CLNK: variants seen among roughly 807,000 people sequenced by gnomAD.
CLNK encodes cytokine dependent hematopoietic cell linker.
CLNK carries 74 observed loss-of-function variants against 68.6 expected under a neutral mutation model. The ratio of observed to expected loss-of-function variants is 1.08; its 90% CI spans 0.89 to 1.31. CLNK has a LOEUF of 1.31. Among genes scored for constraint, CLNK ranks in the 50% most tolerant of loss-of-function variants. The pLI is 0.00. For synonymous variants in CLNK, 198 were observed against 172.2 expected, an observed-to-expected ratio of 1.15 and a Z score of -1.17; for missense variants, 553 against 515.3, an observed-to-expected ratio of 1.07 and a Z score of -0.71.
At chr4:10,683,164 C>T (rs1008043938) in intron 1 of CLNK, among the ~76,000 whole-genome samples, 5 of 152,152 alleles carry the variant, frequency 3.3e-5, no homozygotes, top group Non-Finnish European at 7.4e-5. Flanking sequence ...TATGAAACAA[C>T]ATCCCTGGTC....
At chr4:10,491,196 G>GC (rs1716557776) in intron 18 of CLNK, among the ~76,000 whole-genome samples, 1 of 152,236 alleles carries the variant, frequency 6.6e-6, no homozygotes. Context: ...TATACAGGGA[G>GC]TTTCCCCTCT....
intron 2 of CLNK, among the ~76,000 whole-genome samples, chr4:10,645,005 C>G (rs1723456208): frequency 6.6e-6 from 1 of 152,222 alleles, no homozygotes; most frequent in South Asian, 2.1e-4. Context: ...CGGTGTCTTC[C>G]TGCACTTGCA....
intron 2 of CLNK, among the ~76,000 whole-genome samples, chr4:10,641,632 G>C (rs1005507613): frequency 2.6e-5 from 4 of 152,166 alleles, no homozygotes; most frequent in African/African-American, 9.7e-5. Flanking sequence ...TCTTCTGAAT[G>C]AATAAGTGAG....
At chr4:10,522,587 A>AAAAAG (rs1553846649) in intron 14 of CLNK, among the ~76,000 whole-genome samples, 7 of 151,500 alleles carry the variant, frequency 4.6e-5, no homozygotes, top group Non-Finnish European at 1.5e-5. Flanking sequence ...AAAAAAAAAA[A>AAAAAG]AAAGAAAGAA....
intron 5 of CLNK, among the ~76,000 whole-genome samples, chr4:10,567,794 T>C (rs1424963817): frequency 6.6e-6 from 1 of 152,196 alleles, no homozygotes; most frequent in Non-Finnish European, 1.5e-5. Context: ...AAAGAAGATA[T>C]GCAAACCATC....
chr4:10,613,375 G>T (rs1722105371), intron 2 of CLNK, among the ~76,000 whole-genome samples: 1 of 152,192 alleles, frequency 6.6e-6, no homozygotes. Flanking sequence ...AAGTTCAAAG[G>T]CAGGAATGTG....
chr4:10,597,548 A>G (rs116029623), intron 3 of CLNK, among the ~76,000 whole-genome samples: 1 of 152,172 alleles, frequency 6.6e-6, no homozygotes, highest in Non-Finnish European at 1.5e-5. Context: ...GTTATTCTCA[A>G]TTGAAGGACA....
chr4:10,506,229 G>C (rs530116139), intron 17 of CLNK, among the ~76,000 whole-genome samples: 1 of 152,134 alleles, frequency 6.6e-6, no homozygotes, highest in Non-Finnish European at 1.5e-5. Flanking sequence ...ATGTAGGTTT[G>C]TACTTCCTCA....
intron 2 of CLNK, among the ~76,000 whole-genome samples, chr4:10,606,196 A>T (rs1367400605): frequency 6.6e-6 from 1 of 152,180 alleles, no homozygotes; most frequent in Non-Finnish European, 1.5e-5. Context: ...AACTTTCAAA[A>T]TTTTTATTAC....
At chr4:10,729,292 G>T in the CLNK span, among the ~76,000 whole-genome samples, 5 of 152,166 alleles carry the variant, frequency 3.3e-5, no homozygotes, top group African/African-American at 1.2e-4. Context: ...GTGGAGAAAA[G>T]GGAAGTCTTA....
At chr4:10,692,539 C>T in the CLNK span, among the ~76,000 whole-genome samples, 2 of 152,122 alleles carry the variant, frequency 1.3e-5, no homozygotes, top group Non-Finnish European at 2.9e-5. Flanking sequence ...GGAAAATTCT[C>T]AAAATATTTT....
At chr4:10,612,595 A>G (rs889361142) in intron 2 of CLNK, among the ~76,000 whole-genome samples, 1 of 152,244 alleles carries the variant, frequency 6.6e-6, no homozygotes, top group Non-Finnish European at 1.5e-5. Flanking sequence ...CCACTGCGTC[A>G]TGCTGGGTTT....
intron 8 of CLNK, among the ~76,000 whole-genome samples, chr4:10,556,874 G>A (rs763169306): frequency 3.3e-5 from 5 of 151,954 alleles, no homozygotes; most frequent in South Asian, 2.1e-4. Context: ...TCAGGAGTTC[G>A]CGACCAGCCT....
At chr4:10,691,802 G>A in the CLNK span, among the ~76,000 whole-genome samples, 1 of 152,154 alleles carries the variant, frequency 6.6e-6, no homozygotes, top group Non-Finnish European at 1.5e-5. Flanking sequence ...CTTGAAGCAA[G>A]AATCAGATTA....
At chr4:10,635,025 C>T (rs542423215) in intron 2 of CLNK, among the ~76,000 whole-genome samples, 8 of 152,230 alleles carry the variant, frequency 5.3e-5, no homozygotes, top group African/African-American at 1.9e-4. Context: ...TTTCCCCTTT[C>T]AAAAGAGATA....
chr4:10,716,081 T>C, the CLNK span, among the ~76,000 whole-genome samples: 17 of 152,344 alleles, frequency 1.1e-4, no homozygotes, highest in African/African-American at 4.1e-4. Flanking sequence ...GATTTCTAAG[T>C]GAATGCCACA....
intron 2 of CLNK, among the ~76,000 whole-genome samples, chr4:10,624,845 G>A (rs1293631325): frequency 6.6e-6 from 1 of 152,060 alleles, no homozygotes; most frequent in Non-Finnish European, 1.5e-5. Context: ...AACTTTTTGT[G>A]TTATGGCTGT....
chr4:10,666,913 T>C (rs1724419993), intron 2 of CLNK, among the ~76,000 whole-genome samples: 1 of 152,176 alleles, frequency 6.6e-6, no homozygotes. Context: ...CAGCACCTGC[T>C]ACTCTCTCTG....
the CLNK span, among the ~76,000 whole-genome samples, chr4:10,725,976 T>C: frequency 2.0e-5 from 3 of 152,146 alleles, no homozygotes; most frequent in Non-Finnish European, 4.4e-5. Context: ...CTGACACCAA[T>C]AGAAATATAT....
Sources: allele counts gnomAD v4.1 joint callset (sites outside exome capture counted in the v4.1 genomes callset), GRCh38; gene constraint gnomAD v4.1.1; transcripts MANE v1.5; gene names NCBI Gene and HGNC (gene_info 2026-07-23, HGNC 2026-07-21).